The following LPP variants were observed in gnomAD, a reference collection of about 807,000 sequenced individuals.
The protein encoded by LPP is lipoma-preferred partner.
Under a neutral mutation model 60.4 loss-of-function variants are expected in LPP, and 38 were observed. That is an observed-to-expected ratio of 0.63 (90% CI 0.49 to 0.83). The LOEUF is 0.83. Among genes scored for constraint, LPP ranks in the 40% least tolerant of loss-of-function variants. The pLI, the probability that LPP is intolerant of heterozygous loss-of-function variation, is 0.00. For synonymous variants in LPP, 328 were observed against 290.8 expected, an observed-to-expected ratio of 1.13 and a Z score of -1.30; for missense variants, 902 against 783.6, an observed-to-expected ratio of 1.15 and a Z score of -1.80.
intron 1 of LPP, chr3:188,179,733 A>C (rs1266745666): frequency 5.7e-6 from 2 of 348,030 alleles, no homozygotes; most frequent in Non-Finnish European, 1.1e-5. Context: ...ATCCTGAGTC[A>C]GTGAGAGCAG....
chr3:188,664,209 T>C (rs1480544915), intron 7 of LPP, among the ~76,000 whole-genome samples: 1 of 152,266 alleles, frequency 6.6e-6, no homozygotes, highest in Non-Finnish European at 1.5e-5. Flanking sequence ...TACCATTTAT[T>C]GTATATCTTT....
At chr3:188,845,652 T>G (rs1434142800) in intron 9 of LPP, among the ~76,000 whole-genome samples, 1 of 152,132 alleles carries the variant, frequency 6.6e-6, no homozygotes, top group Non-Finnish European at 1.5e-5. Context: ...CTGTGTACCC[T>G]TGACAAGGAG....
intron 9 of LPP, among the ~76,000 whole-genome samples, chr3:188,778,142 G>A (rs1738417289): frequency 6.6e-6 from 1 of 152,160 alleles, no homozygotes; most frequent in Non-Finnish European, 1.5e-5. Flanking sequence ...TTTTCCACTG[G>A]AAGAAGATGA....
chr3:188,195,875 A>G lies in LPP; in HGVS notation c.-189-29530A>G, dbSNP rs544833735. 4.6e-5 allele frequency among the ~76,000 whole-genome samples: 7 copies of G among 152,304 alleles called. No individual in the cohort carries two copies. In the East Asian group the frequency reaches 1.2e-3, roughly 25 times the overall value. On this transcript the variant is annotated intron_variant, in intron 1 of 11. Transcript: ENST00000617246. ...GACAGCACTATTCTAGCTTGTGTCT[A>G]GTAGAGGAAGTAAGATTTATACGGA...
Position 188,602,667 on chromosome 3 carries a change from C to CT in LPP, c.430-6485dup, listed in dbSNP as rs377405116. On this transcript the variant is annotated intron_variant, in intron 6 of 11. Coordinates refer to ENST00000617246, the MANE Select transcript of LPP (RefSeq NM_001375462.1). The stretch of plus-strand genomic sequence containing the variant: ...TAGGTACCTCGACCCCAGTGAAGCT[C>CT]TTTTTTTTTCTCCTGAGTGATATAG... 8.8e-3 allele frequency among the ~76,000 whole-genome samples: 1,282 copies of CT among 146,496 alleles called. 18 individuals carry two copies. The highest frequency in any genetic ancestry group is 0.031 in the African/African-American group (1,232 of 39,694).
At chr3:188,613,235 G>A (rs1844077594) in intron 7 of LPP, among the ~76,000 whole-genome samples, 1 of 106,572 alleles carries the variant, frequency 9.4e-6, no homozygotes, top group Admixed American at 1.0e-4. Flanking sequence ...CTCGTGTCCT[G>A]TGCATTTTAT....
chr3:188,633,470 G>A (rs1167771003), intron 7 of LPP, among the ~76,000 whole-genome samples: 2 of 152,220 alleles, frequency 1.3e-5, no homozygotes, highest in Non-Finnish European at 2.9e-5. Context: ...ACCTCTCGAT[G>A]AGAATGGCTG....
At chr3:188,270,708 A>T (rs1737459199) in intron 2 of LPP, among the ~76,000 whole-genome samples, 1 of 152,228 alleles carries the variant, frequency 6.6e-6, no homozygotes, top group Non-Finnish European at 1.5e-5. Context: ...TTTCCATCTT[A>T]TGCAGAACAT....
intron 9 of LPP, among the ~76,000 whole-genome samples, chr3:188,761,892 A>G (rs1398767957): frequency 6.6e-6 from 1 of 152,182 alleles, no homozygotes; most frequent in East Asian, 1.9e-4. Flanking sequence ...GTCATTCACA[A>G]TGGCTTGGCA....
chr3:188,244,447 A>T (rs985973866), intron 2 of LPP, among the ~76,000 whole-genome samples: 1 of 152,132 alleles, frequency 6.6e-6, no homozygotes, highest in Non-Finnish European at 1.5e-5. Context: ...TGCTTCTGCT[A>T]CTAACCCCAT....
intron 5 of LPP, among the ~76,000 whole-genome samples, chr3:188,523,191 G>A (rs1054191036): frequency 3.3e-5 from 5 of 152,184 alleles, no homozygotes; most frequent in Middle Eastern, 3.4e-3. Flanking sequence ...ACAGGCATGA[G>A]CCACCGCGCC....
intron 7 of LPP, among the ~76,000 whole-genome samples, chr3:188,687,420 G>A (rs866914727): frequency 4.6e-5 from 7 of 152,254 alleles, no homozygotes; most frequent in South Asian, 4.1e-4. Context: ...TGATTGGATC[G>A]TGGGGGCCCT....
intron 3 of LPP, among the ~76,000 whole-genome samples, chr3:188,388,175 C>T (rs1444145334): frequency 2.6e-5 from 4 of 151,982 alleles, no homozygotes; most frequent in Admixed American, 2.0e-4. Context: ...TGCAATTGTG[C>T]ATGTCTTATA....
At chr3:188,454,381 A>G (rs75185485) in intron 4 of LPP, among the ~76,000 whole-genome samples, 434 of 152,286 alleles carry the variant, frequency 2.8e-3, no homozygotes, top group African/African-American at 9.8e-3. Flanking sequence ...TCTCATTTCT[A>G]TAGGTTTTAG....
chr3:188,311,649 G>T (rs201813033), intron 2 of LPP, among the ~76,000 whole-genome samples: 2 of 150,332 alleles, frequency 1.3e-5, no homozygotes, highest in Non-Finnish European at 3.0e-5. Context: ...TTTTTTTTCT[G>T]TTTTTTTTCT....
rs71169028 is a variant in LPP at position 188,883,732 on chromosome 3, CAAAAA to C, written c.*9271_*9275del. On this transcript the variant is annotated 3_prime_UTR_variant, in exon 12 of 12. Coordinates refer to ENST00000617246, the MANE Select transcript of LPP (RefSeq NM_001375462.1). ...TGGGCGACAGAACGAGACTCCGTCT[CAAAAA>C]AAAAAAAAAAAAAAAAAGGTTGGGA... 7.1e-4 allele frequency: 50 copies of C among 70,456 alleles called. No individual in the cohort carries two copies. The highest frequency in any genetic ancestry group is 4.3e-3 in the East Asian group (20 of 4,680). 4.4% of individuals were successfully genotyped at this position (70,456 alleles called of 1,614,324 possible).
rs994169747 is a variant in LPP, at chr3:188,886,207, C to T, written c.*11728C>T. ...AGGAGATATACCTAATGCTAAATGA[C>T]GAGTTAATGGGTGCAGCACACCAGC... On this transcript the variant is annotated 3_prime_UTR_variant, in exon 12 of 12. Transcript: ENST00000617246. 5 of 151,378 alleles carry T rather than the reference C, an allele frequency of 3.3e-5. No homozygotes were observed. Among genetic ancestry groups the T allele is most frequent in the African/African-American group, 9.8e-5 (4 of 40,712 alleles). The allele number at this position is 151,378 out of a possible 1,614,324, so 9.4% of individuals were successfully genotyped here.
At chr3:188,802,817 G>T (rs1747708824) in intron 9 of LPP, among the ~76,000 whole-genome samples, 3 of 151,644 alleles carry the variant, frequency 2.0e-5, no homozygotes, top group Non-Finnish European at 1.5e-5. Context: ...AATATATATT[G>T]CATATGGATA....
intron 7 of LPP, among the ~76,000 whole-genome samples, chr3:188,670,850 T>A (rs1271195454): frequency 1.3e-5 from 2 of 152,206 alleles, no homozygotes; most frequent in Non-Finnish European, 2.9e-5. Context: ...AGGCTTTATA[T>A]TTGGAGCGCT....
Sources: gnomAD v4.1 joint callset for allele counts (sites outside exome capture counted in the v4.1 genomes callset) on GRCh38, gnomAD v4.1.1 for gene constraint, MANE v1.5 for transcripts, NCBI Gene and HGNC (gene_info 2026-07-23, HGNC 2026-07-21) for gene names.